ARRB1: variants seen among roughly 807,000 people sequenced by gnomAD.
ARRB1 encodes the protein beta-arrestin-1.
In ARRB1, 21 loss-of-function variants were observed where a neutral mutation model predicts 56.8. The ratio of observed to expected loss-of-function variants is 0.37; its 90% confidence interval spans 0.26 to 0.53. The LOEUF (loss-of-function observed/expected upper bound fraction) is 0.53, where lower values mean the gene tolerates loss of function less well. ARRB1 is among the 20% of genes least tolerant of loss of function. ARRB1 has a pLI of 0.88. For synonymous variants in ARRB1, 210 were observed against 218.6 expected (o/e 0.96, Z 0.35); for missense variants, 424 against 553.7 (o/e 0.77, Z 2.35).
intron 2 of ARRB1, among the ~76,000 whole-genome samples, chr11:75,289,329 T>A (rs1044596619): frequency 6.6e-6 from 1 of 152,196 alleles, no homozygotes; most frequent in Non-Finnish European, 1.5e-5. Flanking sequence ...TTGCTGGAAA[T>A]GCATCCCTCC....
At chr11:75,320,704 G>A (rs1456349510) in intron 1 of ARRB1, among the ~76,000 whole-genome samples, 2 of 152,208 alleles carry the variant, frequency 1.3e-5, no homozygotes, top group African/African-American at 2.4e-5. Context: ...CAGCTGGGCT[G>A]GCTCCAGCAC....
rs927482267 is a variant in ARRB1 at position 75,269,300 on chromosome 11, C to A, written c.1023-341G>T. On this transcript the variant is annotated intron_variant, in intron 13 of 15. Transcript: ENST00000420843. ...CGGGGCTCCAGAGGTGCCCTGGGACCCCCCCCCACCTCAAATCGCCACAGC... is the reference window on the plus strand; with the variant it reads ...CGGGGCTCCAGAGGTGCCCTGGGACACCCCCCCACCTCAAATCGCCACAGC... The A allele has an allele frequency of 5.6e-5, 25 of 445,404 alleles. No homozygotes were observed. The East Asian group carries it at 6.7e-4, about 12-fold the overall frequency. 27.6% of individuals were successfully genotyped at this position (445,404 alleles called of 1,614,324 possible). A position where few individuals can be genotyped will look rare whatever the true frequency, so the allele number is the denominator to read the frequency against.
At chr11:75,335,814 A>G (rs1947593489) in intron 1 of ARRB1, among the ~76,000 whole-genome samples, 1 of 152,144 alleles carries the variant, frequency 6.6e-6, no homozygotes, top group African/African-American at 2.4e-5. Flanking sequence ...ACAGTTTACC[A>G]AATGTTCCCA....
At chr11:75,334,112 A>G (rs996582825) in intron 1 of ARRB1, among the ~76,000 whole-genome samples, 1 of 152,138 alleles carries the variant, frequency 6.6e-6, no homozygotes, top group African/African-American at 2.4e-5. Context: ...TGGGCAGACC[A>G]CAAGGTCAGA....
intron 1 of ARRB1, among the ~76,000 whole-genome samples, chr11:75,325,313 T>C (rs117311695): frequency 0.025 from 3,746 of 152,148 alleles, 70 homozygotes; most frequent in Non-Finnish European, 0.042. Context: ...AAAAAGGCAG[T>C]TTACTTTGTT....
At chr11:75,283,202 C>A (rs1220824397) in intron 5 of ARRB1, 85 bp downstream of exon 5, 3 of 1,408,642 alleles carry the variant, frequency 2.1e-6, no homozygotes, top group Admixed American at 2.2e-5. Context: ...AGCAGCTGAC[C>A]CTCACCGCCC....
intron 1 of ARRB1, among the ~76,000 whole-genome samples, chr11:75,329,146 T>C (rs1947482897): frequency 6.8e-6 from 1 of 148,094 alleles, no homozygotes; most frequent in South Asian, 2.1e-4. Flanking sequence ...CAGGCTGACA[T>C]GCAGTAACAA....
intron 1 of ARRB1, among the ~76,000 whole-genome samples, chr11:75,324,391 G>A (rs999266291): frequency 9.2e-5 from 14 of 152,150 alleles, no homozygotes; most frequent in African/African-American, 3.1e-4. Flanking sequence ...CTGCCCGTGC[G>A]AAGCTCCTCT....
At chr11:75,273,948 C>G in intron 11 of ARRB1, 126 bp downstream of exon 11, 1 of 1,435,922 alleles carries the variant, frequency 7.0e-7, no homozygotes, top group South Asian at 1.3e-5. Context: ...CACCTGAGGA[C>G]AGGCCCTGAC....
intron 1 of ARRB1, among the ~76,000 whole-genome samples, chr11:75,307,388 G>A (rs1467640229): frequency 1.3e-5 from 2 of 152,190 alleles, no homozygotes; most frequent in Admixed American, 6.5e-5. Flanking sequence ...TGAGGGAAGT[G>A]GCCATGGATC....
Position 75,268,923 on chromosome 11 carries a change from G to A in ARRB1, c.1059C>T (p.His353=). Residue 353 remains histidine, a synonymous_variant, in exon 14 of 16, where the codon CAC becomes CAT. Coordinates refer to ENST00000420843, the MANE Select transcript of ARRB1 (RefSeq NM_004041.5). The part of the protein sequence containing the change: ...VAVELPFTLM[H]PKPKEEPPHR... ...GCGGGGGTTCCTCTTTGGGCTTGGG[G>A]TGCATTAGGGTGAAGGGCAGTTCCA... 1 of 1,611,410 alleles carries A rather than the reference G, an allele frequency of 6.2e-7. No individual in the cohort carries two copies.
intron 2 of ARRB1, 97 bp downstream of exon 2, chr11:75,289,911 GT>G: frequency 6.5e-7 from 1 of 1,544,996 alleles, no homozygotes; most frequent in South Asian, 1.1e-5. Context: ...CCACAGAGGT[GT>G]GCATTTCAGG....
chr11:75,284,320 G>A, intron 3 of ARRB1, 41 bp from the exon 4 acceptor site: 1 of 1,570,394 alleles, frequency 6.4e-7, no homozygotes, highest in Middle Eastern at 1.7e-4. Flanking sequence ...TCCCAACCTG[G>A]TCTCCCAAAC....
chr11:75,348,949 A>G (rs1947810562), intron 1 of ARRB1, among the ~76,000 whole-genome samples: 1 of 152,170 alleles, frequency 6.6e-6, no homozygotes, highest in Non-Finnish European at 1.5e-5. Context: ...GAGGGCAATG[A>G]CAGTTTGTGA....
chr11:75,296,617 C>T (rs1351652270), intron 1 of ARRB1, among the ~76,000 whole-genome samples: 1 of 152,092 alleles, frequency 6.6e-6, no homozygotes, highest in African/African-American at 2.4e-5. Context: ...AAGTACCTTC[C>T]AAGACTGATT....
In ARRB1 at chr11:75,341,628, C is replaced by T. The variant is rs147185121; in HGVS notation, c.20+9960G>A. 1.2e-4 allele frequency among the ~76,000 whole-genome samples: 19 copies of T among 152,332 alleles called. No homozygotes were observed. The East Asian group carries it at 3.7e-3, about 29-fold the overall frequency. On this transcript the variant is annotated intron_variant, in intron 1 of 15. Coordinates refer to ENST00000420843, the MANE Select transcript of ARRB1 (RefSeq NM_004041.5). ...GAATTCCAAACTCCAAACCTCCTGC[C>T]TCTAGCTCTGGGAGCCCCTCCTCCA...
chr11:75,339,351 C>T (rs905842032), intron 1 of ARRB1, among the ~76,000 whole-genome samples: 5 of 152,236 alleles, frequency 3.3e-5, no homozygotes, highest in Non-Finnish European at 5.9e-5. Flanking sequence ...GGCAGAAACA[C>T]TTACTGTGAT....
chr11:75,278,792 A>G, intron 7 of ARRB1, 48 bp from the exon 8 acceptor site: 1 of 1,561,688 alleles, frequency 6.4e-7, no homozygotes, highest in South Asian at 1.2e-5. Context: ...ACCTGCCTTC[A>G]TCCCCTCTCC....
intron 1 of ARRB1, among the ~76,000 whole-genome samples, chr11:75,317,837 G>A (rs529391003): frequency 3.0e-4 from 46 of 152,320 alleles, no homozygotes; most frequent in Middle Eastern, 3.4e-3. Context: ...ACTCTGAAAG[G>A]TGAAGTGACT....
Sources: allele counts gnomAD v4.1 joint callset (sites outside exome capture counted in the v4.1 genomes callset), GRCh38; gene constraint gnomAD v4.1.1; transcripts MANE v1.5; gene names NCBI Gene and HGNC (gene_info 2026-07-23, HGNC 2026-07-21).